Variants in PTPRG observed in about 807,000 individuals in gnomAD.
PTPRG encodes protein tyrosine phosphatase receptor type G, also known as receptor-type tyrosine-protein phosphatase gamma.
PTPRG carries 102 observed loss-of-function variants against 165.3 expected under a neutral mutation model. That is an observed-to-expected ratio of 0.62 (90% CI 0.53 to 0.73). The LOEUF is 0.73. PTPRG is among the 30% of genes least tolerant of loss of function. PTPRG has a pLI of 0.00. For missense variants in PTPRG, 1,866 were observed against 1,861.4 expected (o/e 1.00, Z -0.05); for synonymous variants, 675 against 669.5 (o/e 1.01, Z -0.13).
At chr3:61,845,877 G>A (rs1012882998) in intron 2 of PTPRG, among the ~76,000 whole-genome samples, 3 of 152,272 alleles carry the variant, frequency 2.0e-5, no homozygotes, top group Admixed American at 6.5e-5. Context: ...TGTTTTTAAA[G>A]TATTAGTGAT....
At chr3:61,894,759 G>A (rs1301050884) in intron 2 of PTPRG, among the ~76,000 whole-genome samples, 1 of 152,144 alleles carries the variant, frequency 6.6e-6, no homozygotes, top group African/African-American at 2.4e-5. Context: ...AATCAGATTT[G>A]AGAAGATCAA....
At chr3:62,111,219 C>T (rs1327335828) in intron 5 of PTPRG, among the ~76,000 whole-genome samples, 1 of 152,222 alleles carries the variant, frequency 6.6e-6, no homozygotes, top group Non-Finnish European at 1.5e-5. Context: ...GTCAAATCAA[C>T]AGGCAGTGCC....
At chr3:61,927,131 T>G (rs1263771135) in intron 2 of PTPRG, among the ~76,000 whole-genome samples, 1 of 152,222 alleles carries the variant, frequency 6.6e-6, no homozygotes, top group Non-Finnish European at 1.5e-5. Context: ...CAGAATCCGC[T>G]TCTATTTTTG....
At chr3:62,122,940 A>T (rs2106896750) in intron 5 of PTPRG, among the ~76,000 whole-genome samples, 1 of 152,294 alleles carries the variant, frequency 6.6e-6, no homozygotes, top group South Asian at 2.1e-4. Context: ...GGGAGCTAGA[A>T]CTAGATCATC....
chr3:62,141,284 C>A (rs1262728942), intron 6 of PTPRG, among the ~76,000 whole-genome samples: 1 of 152,014 alleles, frequency 6.6e-6, no homozygotes, highest in Non-Finnish European at 1.5e-5. Context: ...CTATGTCTGT[C>A]CCCTAGAGAA....
At chr3:62,125,911 AAC>A (rs1280443236) in intron 5 of PTPRG, among the ~76,000 whole-genome samples, 1 of 152,032 alleles carries the variant, frequency 6.6e-6, no homozygotes, top group African/African-American at 2.4e-5. Flanking sequence ...TTGTCTCTGA[AAC>A]ACAGTGTATT....
chr3:62,029,948 ACT>A (rs1224503931), intron 4 of PTPRG, among the ~76,000 whole-genome samples: 2 of 152,044 alleles, frequency 1.3e-5, no homozygotes, highest in African/African-American at 4.8e-5. Context: ...GCATTTTCTG[ACT>A]CTGGTTGAAT....
intron 5 of PTPRG, among the ~76,000 whole-genome samples, chr3:62,079,647 A>G (rs1391031407): frequency 1.3e-5 from 2 of 152,198 alleles, no homozygotes; most frequent in Admixed American, 6.5e-5. Context: ...TAATTTGCCC[A>G]TTGTTCTCCA....
At chr3:61,584,815 G>T (rs1190839244) in intron 1 of PTPRG, among the ~76,000 whole-genome samples, 1 of 152,208 alleles carries the variant, frequency 6.6e-6, no homozygotes, top group Middle Eastern at 3.4e-3. Flanking sequence ...ATCTCTGCCT[G>T]CCCCAGACCA....
intron 6 of PTPRG, among the ~76,000 whole-genome samples, chr3:62,144,584 A>C (rs1704049929): frequency 6.6e-6 from 1 of 152,166 alleles, no homozygotes. Context: ...ATGTGCTATA[A>C]ATATGCAGCA....
chr3:61,652,986 G>T lies in PTPRG; in HGVS notation c.85+90614G>T, dbSNP rs140893441. Among the ~76,000 whole-genome samples, 131 of 152,306 alleles carry T rather than the reference G, an allele frequency of 8.6e-4. 1 individual carries two copies. The highest frequency in any genetic ancestry group is 3.0e-3 in the African/African-American group (126 of 41,556). ...GTGGAGATTTACACTACAACCACCA[G>T]ATATCATGGGGGTAGAAATTATGCC... On this transcript the variant is annotated intron_variant, in intron 1 of 29. Coordinates refer to ENST00000474889, the MANE Select transcript of PTPRG (RefSeq NM_002841.4).
chr3:62,289,556 A>AACTTATCCTAGT (rs1178848953), intron 28 of PTPRG, among the ~76,000 whole-genome samples: 1 of 152,110 alleles, frequency 6.6e-6, no homozygotes, highest in Admixed American at 6.6e-5. Context: ...CATCATGAAA[A>AACTTATCCTAGT]ACTTATCCTA....
chr3:62,248,020 CTT>C (rs5849470), intron 15 of PTPRG, among the ~76,000 whole-genome samples: 2 of 150,650 alleles, frequency 1.3e-5, no homozygotes, highest in South Asian at 2.1e-4. Context: ...AGAACGAAGA[CTT>C]TTTTTTTTCC....
At chr3:61,890,549 A>C (rs1324420380) in intron 2 of PTPRG, among the ~76,000 whole-genome samples, 2 of 151,618 alleles carry the variant, frequency 1.3e-5, no homozygotes, top group African/African-American at 4.9e-5. Flanking sequence ...ACATTCCTTG[A>C]AGCAGCTATT....
intron 8 of PTPRG, among the ~76,000 whole-genome samples, chr3:62,187,756 G>A (rs569843126): frequency 4.7e-4 from 72 of 152,246 alleles, no homozygotes; most frequent in African/African-American, 1.6e-3. Context: ...TACCCAGGAT[G>A]GGGGGTAGAG....
At chr3:62,162,943 A>G (rs1704824517) in intron 7 of PTPRG, among the ~76,000 whole-genome samples, 1 of 152,178 alleles carries the variant, frequency 6.6e-6, no homozygotes, top group African/African-American at 2.4e-5. Flanking sequence ...ATTTATTAGA[A>G]AAGAGGTTTA....
At chr3:61,806,915 G>A (rs2035436267) in intron 2 of PTPRG, among the ~76,000 whole-genome samples, 1 of 152,150 alleles carries the variant, frequency 6.6e-6, no homozygotes, top group African/African-American at 2.4e-5. Context: ...GAGTTTTACA[G>A]GTGGAAACAC....
chr3:62,277,684 G>A lies in PTPRG; in HGVS notation c.3765+5G>A. ...CTGCCAGACAACCAGAGCTTGGTAA[G>A]TAAAGCACATCTGCTATATATTAAT... On this transcript the variant is annotated splice_donor_5th_base_variant and intron_variant, in intron 26 of 29. Coordinates refer to ENST00000474889, the MANE Select transcript of PTPRG (RefSeq NM_002841.4). 1.2e-6 allele frequency: 2 copies of A among 1,611,884 alleles called. No individual in the cohort carries two copies. The highest frequency in any genetic ancestry group is 1.7e-6 in the Non-Finnish European group (2 of 1,179,028).
intron 4 of PTPRG, among the ~76,000 whole-genome samples, chr3:62,071,508 C>G: frequency 6.6e-6 from 1 of 152,162 alleles, no homozygotes; most frequent in East Asian, 1.9e-4. Context: ...TGACCATGAG[C>G]CACTCATTGC....
Sources: gnomAD v4.1 joint callset for allele counts (sites outside exome capture counted in the v4.1 genomes callset) on GRCh38, gnomAD v4.1.1 for gene constraint, MANE v1.5 for transcripts, NCBI Gene and HGNC (gene_info 2026-07-23, HGNC 2026-07-21) for gene names.